PCDH11X: variants seen among roughly 807,000 people sequenced by gnomAD.
PCDH11X encodes the protein protocadherin 11 X-linked, also known as protocadherin-11 X-linked.
PCDH11X carries 18 observed loss-of-function variants against 53.3 expected under a neutral mutation model. The ratio of observed to expected loss-of-function variants is 0.34; its 90% CI spans 0.23 to 0.50. The LOEUF is 0.50. Ranked by LOEUF, PCDH11X falls within the 20% of genes least tolerant of loss-of-function variation. The pLI, the probability that PCDH11X is intolerant of heterozygous loss-of-function variation, is 0.98. For missense variants in PCDH11X, 570 were observed against 1,032.4 expected (o/e 0.55, Z 6.14); for synonymous variants, 279 against 393.3 (o/e 0.71, Z 3.44).
At chrX:92,147,489 A>G (rs1304183131) in intron 6 of PCDH11X, among the ~76,000 whole-genome samples, 1 of 112,280 alleles carries the variant, frequency 8.9e-6, no homozygotes, top group East Asian at 2.8e-4. Context: ...GTGACAAATA[A>G]ACAAGGGTTA....
intron 6 of PCDH11X, among the ~76,000 whole-genome samples, chrX:92,136,874 G>T (rs1436304575): frequency 2.8e-5 from 3 of 106,876 alleles, no homozygotes; most frequent in African/African-American, 1.0e-4. Flanking sequence ...TTTGGGAAGG[G>T]GTAGGAAGTG....
intron 5 of PCDH11X, among the ~76,000 whole-genome samples, chrX:91,864,015 G>A (rs759282507): frequency 1.8e-5 from 2 of 111,787 alleles, no homozygotes; most frequent in East Asian, 5.6e-4. Flanking sequence ...CTTAGGATAA[G>A]AGTAGTTTAC....
Position 92,407,461 on chromosome X carries a change from G to T in PCDH11X, c.3343+19528G>T, listed in dbSNP as rs945509793. 3.7e-5 allele frequency among the ~76,000 whole-genome samples: 4 copies of T among 108,759 alleles called. 1 individual carries two copies. The highest frequency in any genetic ancestry group is 4.0e-4 in the South Asian group (1 of 2,470). The allele number at this position is 108,759 out of a possible 115,157, so 94.4% of individuals were successfully genotyped here. ...AGCCATTTGACACCATATTTTAATT[G>T]TTCAAATGTGAAAATTGTAAAATGG... On this transcript the variant is annotated intron_variant, in intron 9 of 10. Transcript: ENST00000682573.
Position 91,995,852 on chromosome X carries a change from GT to G in PCDH11X, c.3033+116594del, listed in dbSNP as rs1279977266. On this transcript the variant is annotated intron_variant, in intron 6 of 10. Coordinates refer to ENST00000682573, the MANE Select transcript of PCDH11X (RefSeq NM_032968.5). ...CATTTATTTGTATTATCTTCTTTTT[GT>G]TTTTTTTTTTTTTTGAGGCCGAGTC... Among the ~76,000 whole-genome samples the G allele has an allele frequency of 1.0e-3, 99 of 95,299 alleles. No individual in the cohort carries two copies. In the East Asian group the frequency reaches 0.016, roughly 16 times the overall value. 82.8% of individuals were successfully genotyped at this position (95,299 alleles called of 115,157 possible).
intron 9 of PCDH11X, among the ~76,000 whole-genome samples, chrX:92,412,530 T>TAG (rs1569482924): frequency 3.6e-5 from 3 of 84,484 alleles, no homozygotes; most frequent in Admixed American, 1.2e-4. Context: ...TATATATATA[T>TAG]ATATATATAT....
intron 6 of PCDH11X, among the ~76,000 whole-genome samples, chrX:92,168,722 T>C (rs2065775842): frequency 9.0e-6 from 1 of 111,692 alleles, no homozygotes; most frequent in South Asian, 3.7e-4. Context: ...ATTTTAGATA[T>C]CATCTATCCC....
chrX:91,857,361 G>T (rs903516069), intron 5 of PCDH11X, among the ~76,000 whole-genome samples: 1 of 111,334 alleles, frequency 9.0e-6, no homozygotes, highest in African/African-American at 3.3e-5. Context: ...GGGACACAGC[G>T]AAACCATATT....
chrX:92,317,382 C>A (rs916951520), intron 8 of PCDH11X, among the ~76,000 whole-genome samples: 50 of 110,690 alleles, frequency 4.5e-4, no homozygotes, highest in South Asian at 3.1e-3. Flanking sequence ...AAATATGAAC[C>A]TTTCTGTTTG....
chrX:91,877,696 A>T lies in PCDH11X; in HGVS notation c.1456A>T (p.Thr486Ser), dbSNP rs752968256. The T allele has an allele frequency of 8.3e-7, 1 of 1,209,486 alleles. No homozygotes were observed. Among genetic ancestry groups the T allele is most frequent in the East Asian group, 3.0e-5 (1 of 33,721 alleles). ...GAATAACTCTCCTGGCATCCAGTTG[A>T]CGAAAGTAAGTGCAATGGATGCAGA... ...PENNSPGIQL[T>S]KVSAMDADSG... The change falls in exon 6 of 11, where the codon ACG becomes TCG. Residue 486 changes from threonine (T) to serine (S), a missense_variant. By Grantham distance (58) the Thr-to-Ser change is moderately conservative (BLOSUM62 1). This residue lies in a region of PCDH11X where 226 missense variants were observed against 457.5 expected (regional missense o/e 0.49). Transcript: ENST00000682573.
At chrX:91,883,562 T>A in intron 6 of PCDH11X, 1 of 718,316 alleles carries the variant, frequency 1.4e-6, no homozygotes, top group Non-Finnish European at 1.6e-6. Context: ...TCCCAGCACT[T>A]TGGGAGGCCG....
intron 9 of PCDH11X, among the ~76,000 whole-genome samples, chrX:92,461,503 A>G (rs2073043427): frequency 8.9e-6 from 1 of 112,305 alleles, no homozygotes; most frequent in African/African-American, 3.2e-5. Context: ...CTGGATATCC[A>G]TATGCAGAAG....
chrX:91,993,413 C>G (rs1460600391), intron 6 of PCDH11X, among the ~76,000 whole-genome samples: 1 of 112,136 alleles, frequency 8.9e-6, no homozygotes, highest in Non-Finnish European at 1.9e-5. Flanking sequence ...CCTTTATTAA[C>G]TTTCTCCTCA....
intron 6 of PCDH11X, among the ~76,000 whole-genome samples, chrX:91,981,696 C>T (rs766404746): frequency 9.1e-6 from 1 of 110,133 alleles, no homozygotes; most frequent in African/African-American, 3.3e-5. Flanking sequence ...GCCTCACAAT[C>T]ATAGTGGAAG....
At chrX:91,901,255 TG>T (rs1940942759) in intron 6 of PCDH11X, among the ~76,000 whole-genome samples, 2 of 111,919 alleles carry the variant, frequency 1.8e-5, no homozygotes, top group Admixed American at 9.6e-5. Flanking sequence ...TCAACTAACC[TG>T]CCCAACTACC....
intron 9 of PCDH11X, among the ~76,000 whole-genome samples, chrX:92,402,100 T>C (rs1350742748): frequency 1.8e-5 from 2 of 110,822 alleles, no homozygotes; most frequent in Non-Finnish European, 3.8e-5. Flanking sequence ...GGACCTGATA[T>C]ACAGTCTAGG....
At chrX:91,947,265 A>AAC (rs2061588070) in intron 6 of PCDH11X, among the ~76,000 whole-genome samples, 1 of 109,598 alleles carries the variant, frequency 9.1e-6, no homozygotes, top group Non-Finnish European at 1.9e-5. Flanking sequence ...TATCAACATC[A>AAC]TTCAAGTGCA....
chrX:92,487,048 C>CTTTTTTTTTTT lies in PCDH11X; in HGVS notation c.3367+18738_3367+18748dup, dbSNP rs758641899. Among the ~76,000 whole-genome samples the CTTTTTTTTTTT allele has an allele frequency of 3.1e-4, 21 of 67,819 alleles. 1 individual carries two copies. The highest frequency in any genetic ancestry group is 1.2e-3 in the East Asian group (2 of 1,719). The allele number at this position is 67,819 out of a possible 115,157, so 58.9% of individuals were successfully genotyped here. On this transcript the variant is annotated intron_variant, in intron 10 of 10. Transcript: ENST00000682573. Reference sequence around the variant, plus strand: ...TTATTATCTCTGAGAAATATGCTTCCTTTTTTTTTTTTTTTTTTTTTTGAG... The same window carrying CTTTTTTTTTTT: ...TTATTATCTCTGAGAAATATGCTTCCTTTTTTTTTTTTTTTTTTTTTTTTTTTTTTTTTGAG...
At chrX:92,304,085 A>G (rs769985019) in intron 8 of PCDH11X, among the ~76,000 whole-genome samples, 1 of 106,756 alleles carries the variant, frequency 9.4e-6, no homozygotes, top group South Asian at 4.4e-4. Flanking sequence ...TTCCTGTGTT[A>G]TGTTTAGGTT....
At chrX:92,224,478 C>G (rs139089246) in intron 7 of PCDH11X, among the ~76,000 whole-genome samples, 3,582 of 111,761 alleles carry the variant, frequency 0.032, 143 homozygotes, top group African/African-American at 0.11. Flanking sequence ...TACAACTTAA[C>G]TTAGTATGTA....
Sources: gnomAD v4.1 joint callset for allele counts (sites outside exome capture counted in the v4.1 genomes callset) on GRCh38, gnomAD v4.1.1 for gene constraint, gnomAD v4.1.1 regional missense constraint, MANE v1.5 for transcripts, NCBI Gene and HGNC (gene_info 2026-07-23, HGNC 2026-07-21) for gene names.